The following EXT2 variants were observed in gnomAD, a reference collection of about 807,000 sequenced individuals.
EXT2 encodes exostosin glycosyltransferase 2.
In EXT2, 53 loss-of-function variants were observed where a neutral mutation model predicts 81.6. The ratio of observed to expected loss-of-function variants is 0.65; its 90% CI spans 0.52 to 0.82. The LOEUF is 0.82. EXT2 is among the 40% of genes least tolerant of loss of function. EXT2 has a pLI of 0.00. For missense variants in EXT2, 774 were observed against 910.2 expected (o/e 0.85, Z 1.93); for synonymous variants, 320 against 340.0 (o/e 0.94, Z 0.65).
At chr11:44,177,050 C>A (rs768399499) in intron 8 of EXT2, among the ~76,000 whole-genome samples, 1 of 152,038 alleles carries the variant, frequency 6.6e-6, no homozygotes, top group East Asian at 1.9e-4. Flanking sequence ...ACATTATCCA[C>A]GTTGCACCAC....
At chr11:44,139,120 CT>C (rs397965600) in intron 7 of EXT2, among the ~76,000 whole-genome samples, 100 of 139,470 alleles carry the variant, frequency 7.2e-4, no homozygotes, top group East Asian at 2.9e-3. Context: ...TCTCTCTCTC[CT>C]TTTTTTTTTT....
intron 1 of EXT2, among the ~76,000 whole-genome samples, chr11:44,102,845 G>A (rs1954005727): frequency 6.6e-6 from 1 of 151,930 alleles, no homozygotes; most frequent in Admixed American, 6.6e-5. Flanking sequence ...TGCCTTTTCT[G>A]TGAAATTCCT....
intron 4 of EXT2, among the ~76,000 whole-genome samples, chr11:44,119,163 T>TTC (rs1565201267): frequency 3.1e-4 from 15 of 48,106 alleles, no homozygotes; most frequent in Admixed American, 1.8e-3. Flanking sequence ...TATATATATA[T>TTC]ATATATACAC....
chr11:44,130,036 T>C lies in EXT2; in HGVS notation c.1080-9T>C. 1.2e-6 allele frequency: 2 copies of C among 1,611,372 alleles called. No individual in the cohort carries two copies. Among genetic ancestry groups the C allele is most frequent in the Non-Finnish European group, 1.7e-6 (2 of 1,177,448 alleles). On this transcript the variant is annotated splice_polypyrimidine_tract_variant and intron_variant, in intron 6 of 13. Coordinates refer to ENST00000533608, the MANE Select transcript of EXT2 (RefSeq NM_207122.2). ...GTGTGTATGTAAACTGTTTTGCTGTTGTCTCCAGAGCATCTGTGGTTGTAC... is the reference window on the plus strand; with the variant it reads ...GTGTGTATGTAAACTGTTTTGCTGTCGTCTCCAGAGCATCTGTGGTTGTAC...
intron 4 of EXT2, among the ~76,000 whole-genome samples, 178 bp downstream of exon 4, chr11:44,114,479 T>C (rs1954193796): frequency 6.6e-6 from 1 of 152,200 alleles, no homozygotes; most frequent in Admixed American, 6.5e-5. Context: ...CAGTTTTCTC[T>C]GTCTCCTTAA....
intron 10 of EXT2, among the ~76,000 whole-genome samples, chr11:44,212,409 A>G (rs1157350545): frequency 6.6e-6 from 1 of 152,066 alleles, no homozygotes; most frequent in Admixed American, 6.5e-5. Context: ...CATAGTCACT[A>G]CAACAGTTTT....
At position 44,244,437 on chromosome 11, in the gene EXT2, G is replaced by T. The variant is rs371153847; in HGVS notation, c.*150G>T. ...GCACCCACCTAACCCACTTTCTCAA[G>T]AACAAGAACCTAGAATGAATATCCA... is the stretch of plus-strand genomic sequence containing the variant. On this transcript the variant is annotated 3_prime_UTR_variant, in exon 14 of 14. Transcript: ENST00000533608. 5 of 743,234 alleles carry T rather than the reference G, an allele frequency of 6.7e-6. No homozygotes were observed. Among genetic ancestry groups the T allele is most frequent in the East Asian group, 2.6e-5 (1 of 37,862 alleles). 46.0% of individuals were successfully genotyped at this position (743,234 alleles called of 1,614,324 possible).
At chr11:44,100,338 C>T (rs1459400884) in intron 1 of EXT2, among the ~76,000 whole-genome samples, 1 of 152,132 alleles carries the variant, frequency 6.6e-6, no homozygotes, top group Non-Finnish European at 1.5e-5. Flanking sequence ...AATCACTCAC[C>T]CTCAGTTGGC....
chr11:44,109,861 T>C (rs1954118009), intron 3 of EXT2, among the ~76,000 whole-genome samples: 1 of 151,958 alleles, frequency 6.6e-6, no homozygotes, highest in African/African-American at 2.4e-5. Context: ...TGCCTGAGAG[T>C]GACTTTGAGT....
At chr11:44,192,185 C>T (rs11037898) in intron 8 of EXT2, among the ~76,000 whole-genome samples, 1,695 of 152,260 alleles carry the variant, frequency 0.011, 31 homozygotes, top group African/African-American at 0.039. Flanking sequence ...TTTGCACATG[C>T]CGCTCAGCTT....
chr11:44,143,755 C>A (rs1954677917), intron 7 of EXT2, among the ~76,000 whole-genome samples: 1 of 152,174 alleles, frequency 6.6e-6, no homozygotes, highest in Non-Finnish European at 1.5e-5. Context: ...TTCTCAATGT[C>A]ATTTTTCCAG....
intron 6 of EXT2, among the ~76,000 whole-genome samples, chr11:44,128,630 T>G (rs1237913124): frequency 6.6e-6 from 1 of 152,092 alleles, no homozygotes; most frequent in Non-Finnish European, 1.5e-5. Context: ...GTGGGATTGG[T>G]GAGGGCTTCA....
At chr11:44,237,639 T>G (rs928492522) in intron 13 of EXT2, among the ~76,000 whole-genome samples, 1 of 151,922 alleles carries the variant, frequency 6.6e-6, no homozygotes, top group South Asian at 2.1e-4. Flanking sequence ...GTTAAAATGG[T>G]GTATCGGATA....
At chr11:44,223,847 T>A (rs1955809147) in intron 10 of EXT2, among the ~76,000 whole-genome samples, 1 of 152,062 alleles carries the variant, frequency 6.6e-6, no homozygotes, top group African/African-American at 2.4e-5. Context: ...GAGACGGGGT[T>A]TCACCGTGTT....
chr11:44,218,398 G>C (rs528264661), intron 10 of EXT2, among the ~76,000 whole-genome samples: 1 of 152,162 alleles, frequency 6.6e-6, no homozygotes, highest in Non-Finnish European at 1.5e-5. Flanking sequence ...TGGAAGCTAG[G>C]CTGCTTAGGG....
chr11:44,237,164 C>T (rs1057347542), intron 13 of EXT2, among the ~76,000 whole-genome samples: 2 of 151,890 alleles, frequency 1.3e-5, no homozygotes, highest in Non-Finnish European at 2.9e-5. Context: ...ATATAGTAGC[C>T]TTTTAGAATG....
chr11:44,170,842 A>G (rs989620462), intron 7 of EXT2, among the ~76,000 whole-genome samples: 2 of 150,594 alleles, frequency 1.3e-5, no homozygotes, highest in African/African-American at 2.5e-5. Flanking sequence ...ACACACACAC[A>G]CACACACACA....
intron 10 of EXT2, among the ~76,000 whole-genome samples, 185 bp downstream of exon 10, chr11:44,207,144 C>T (rs1955593276): frequency 6.6e-6 from 1 of 152,146 alleles, no homozygotes; most frequent in Non-Finnish European, 1.5e-5. Flanking sequence ...ACTGGAGAAA[C>T]CCTATTCCAA....
rs569196521 is a variant in EXT2, at chr11:44,246,730, G to C, written c.*2443G>C. ...CAGGTGATGGCGATTCATGGATTCA[G>C]AGTGGGCTAGGGACTCCACTTTATT... On this transcript the variant is annotated 3_prime_UTR_variant, in exon 14 of 14. Transcript: ENST00000533608. Among the ~76,000 whole-genome samples the C allele has an allele frequency of 2.0e-5, 3 of 152,210 alleles. No homozygotes were observed. Among genetic ancestry groups the C allele is most frequent in the Admixed American group, 1.3e-4 (2 of 15,288 alleles).
Sources: gnomAD v4.1 joint callset for allele counts (sites outside exome capture counted in the v4.1 genomes callset) on GRCh38, gnomAD v4.1.1 for gene constraint, MANE v1.5 for transcripts, NCBI Gene and HGNC (gene_info 2026-07-23, HGNC 2026-07-21) for gene names.